GLI3: variants seen among roughly 807,000 people sequenced by gnomAD.
The protein encoded by GLI3 is transcription activator GLI3.
Under a neutral mutation model 100.8 loss-of-function variants are expected in GLI3, and 20 were observed. That is an observed-to-expected ratio of 0.20 (90% CI 0.14 to 0.29). The LOEUF (loss-of-function observed/expected upper bound fraction) is 0.29. GLI3 is among the 10% of genes least tolerant of loss of function. The pLI is 1.00. For synonymous variants in GLI3, 938 were observed against 860.5 expected (o/e 1.09, Z -1.58); for missense variants, 2,040 against 2,128.5 (o/e 0.96, Z 0.82).
intron 3 of GLI3, among the ~76,000 whole-genome samples, chr7:42,090,385 T>C (rs1404531327): frequency 6.6e-6 from 1 of 152,216 alleles, no homozygotes; most frequent in Non-Finnish European, 1.5e-5. Flanking sequence ...TTCAGCTCCA[T>C]TATAATCTTA....
chr7:42,075,477 C>A (rs1010954718), intron 4 of GLI3, among the ~76,000 whole-genome samples: 1 of 152,140 alleles, frequency 6.6e-6, no homozygotes, highest in Admixed American at 6.5e-5. Flanking sequence ...ATGTTTCAGG[C>A]TGAACTAGGA....
At chr7:42,204,572 C>G (rs1029236748) in intron 2 of GLI3, among the ~76,000 whole-genome samples, 4 of 152,188 alleles carry the variant, frequency 2.6e-5, no homozygotes, top group East Asian at 1.9e-4. Context: ...AATAAAGTGC[C>G]TGGCACTTAG....
In GLI3 at chr7:42,025,477, T is replaced by G. The variant is rs1201760497; in HGVS notation, c.1243-100A>C. On this transcript the variant is annotated intron_variant, in intron 8 of 14. Transcript: ENST00000395925. ...GCCAACTCGGGACAAGCGGTCTTATTTGGCTATAAAGCAATGACTCTGATA... is the reference window on the plus strand; with the variant it reads ...GCCAACTCGGGACAAGCGGTCTTATGTGGCTATAAAGCAATGACTCTGATA... 10 of 835,090 alleles carry G rather than the reference T, an allele frequency of 1.2e-5. No homozygotes were observed. The East Asian group carries it at 2.5e-4, about 21-fold the overall frequency. 51.7% of individuals were successfully genotyped at this position (835,090 alleles called of 1,614,324 possible).
At chr7:42,253,372 A>G (rs1226270983) in intron 1 of GLI3, among the ~76,000 whole-genome samples, 1 of 152,198 alleles carries the variant, frequency 6.6e-6, no homozygotes, top group Non-Finnish European at 1.5e-5. Context: ...AGCAGCAGGC[A>G]TTAGTTGGGG....
chr7:42,098,007 T>C (rs1785379313), intron 3 of GLI3, among the ~76,000 whole-genome samples: 1 of 152,142 alleles, frequency 6.6e-6, no homozygotes, highest in Non-Finnish European at 1.5e-5. Flanking sequence ...GCGGATCAGA[T>C]TATGCTCAGA....
chr7:42,260,247 C>T lies in GLI3; in HGVS notation c.-43+3747G>A, dbSNP rs375136528. Among the ~76,000 whole-genome samples, 11 of 152,176 alleles carry T rather than the reference C, an allele frequency of 7.2e-5. No homozygotes were observed. The East Asian group carries it at 9.6e-4, about 13-fold the overall frequency. On this transcript the variant is annotated intron_variant, in intron 1 of 2. Transcript: ENST00000678978. ...CCATTTGACAATTTCTACAAATAAT[C>T]TCCCTAACAGAATCAAGTCCATGAA...
At chr7:42,148,600 T>A in intron 2 of GLI3, 132 bp from the exon 3 acceptor site, 1 of 875,258 alleles carries the variant, frequency 1.1e-6, no homozygotes, top group Non-Finnish European at 1.8e-6. Flanking sequence ...ACAGCAACTT[T>A]GAGAGCTACA....
intron 1 of GLI3, among the ~76,000 whole-genome samples, chr7:42,245,606 G>A (rs1445590942): frequency 2.0e-5 from 3 of 152,034 alleles, no homozygotes; most frequent in Non-Finnish European, 2.9e-5. Flanking sequence ...GCTTGAACCC[G>A]GGAGATGGAG....
chr7:42,070,022 TA>T (rs1438413702), intron 4 of GLI3, among the ~76,000 whole-genome samples: 2 of 152,238 alleles, frequency 1.3e-5, no homozygotes, highest in African/African-American at 4.8e-5. Context: ...CATTGTGTTC[TA>T]ACATGGCTTC....
chr7:42,111,456 A>T (rs1040893973), intron 3 of GLI3, among the ~76,000 whole-genome samples: 1 of 152,168 alleles, frequency 6.6e-6, no homozygotes, highest in Non-Finnish European at 1.5e-5. Context: ...AAGAAGATTA[A>T]CAAGGCAGCA....
chr7:42,189,980 A>G (rs932600506), intron 2 of GLI3, among the ~76,000 whole-genome samples: 2 of 56,020 alleles, frequency 3.6e-5, no homozygotes, highest in Non-Finnish European at 8.4e-5. Context: ...CAACACACAC[A>G]CACACACACA....
chr7:42,163,465 G>A (rs1192278802), intron 2 of GLI3, among the ~76,000 whole-genome samples: 2 of 145,698 alleles, frequency 1.4e-5, no homozygotes, highest in Non-Finnish European at 3.0e-5. Flanking sequence ...TTTTACTCTT[G>A]TTGCCCAGGC....
intron 3 of GLI3, among the ~76,000 whole-genome samples, chr7:42,103,389 T>A (rs1286168121): frequency 6.6e-6 from 1 of 152,090 alleles, no homozygotes; most frequent in Non-Finnish European, 1.5e-5. Context: ...CCCCCCACAG[T>A]GCCATAAATA....
chr7:42,007,129 G>A (rs1788479465), intron 10 of GLI3, among the ~76,000 whole-genome samples: 1 of 149,164 alleles, frequency 6.7e-6, no homozygotes, highest in Non-Finnish European at 1.5e-5. Context: ...AGGGCCAGTT[G>A]ACCAACACCA....
intron 5 of GLI3, among the ~76,000 whole-genome samples, chr7:42,047,969 T>G (rs1256311160): frequency 6.6e-6 from 1 of 152,172 alleles, no homozygotes; most frequent in Non-Finnish European, 1.5e-5. Context: ...CAGAATCACG[T>G]TTTATCAGGC....
chr7:42,028,775 A>G (rs1222721520), intron 7 of GLI3, among the ~76,000 whole-genome samples: 1 of 146,808 alleles, frequency 6.8e-6, no homozygotes, highest in Non-Finnish European at 1.5e-5. Context: ...AAAATAAATA[A>G]TAATAATAAT....
At chr7:42,109,630 GT>G (rs1785657838) in intron 3 of GLI3, among the ~76,000 whole-genome samples, 1 of 152,230 alleles carries the variant, frequency 6.6e-6, no homozygotes, top group South Asian at 2.1e-4. Context: ...CAGAGCAGAA[GT>G]GGACTTTATT....
intron 13 of GLI3, 43 bp from the exon 14 acceptor site, chr7:41,967,966 G>A: frequency 6.6e-7 from 1 of 1,521,360 alleles, no homozygotes. Context: ...CACCAGGGAG[G>A]GTCAAGGAAA....
chr7:41,964,122 C>A lies in GLI3; in HGVS notation c.*208G>T. The A allele has an allele frequency of 5.7e-5, 23 of 403,704 alleles. No individual in the cohort carries two copies. The highest frequency in any genetic ancestry group is 1.1e-4 in the East Asian group (2 of 18,662). 25.0% of individuals were successfully genotyped at this position (403,704 alleles called of 1,614,324 possible). A position where few individuals can be genotyped will look rare whatever the true frequency, so the allele number is the denominator to read the frequency against. ...TGAGTGTAACAATACTGATTCAAAA[C>A]TGAAATGGAAGACAGTTTCTCCCTA... On this transcript the variant is annotated 3_prime_UTR_variant, in exon 15 of 15. Coordinates refer to ENST00000395925, the MANE Select transcript of GLI3 (RefSeq NM_000168.6).
Sources: gnomAD v4.1 joint callset for allele counts (sites outside exome capture counted in the v4.1 genomes callset) on GRCh38, gnomAD v4.1.1 for gene constraint, MANE v1.5 for transcripts, NCBI Gene and HGNC (gene_info 2026-07-23, HGNC 2026-07-21) for gene names.